Variants in SH3PXD2A observed in about 807,000 individuals in gnomAD.
The protein encoded by SH3PXD2A is SH3 and PX domains 2A, also known as SH3 and PX domain-containing protein 2A.
In SH3PXD2A, 32 loss-of-function variants were observed where a neutral mutation model predicts 115.2. The ratio of observed to expected loss-of-function variants is 0.28; its 90% CI spans 0.21 to 0.37. The LOEUF (loss-of-function observed/expected upper bound fraction) is 0.37. SH3PXD2A is among the 10% of genes least tolerant of loss of function. The probability of loss-of-function intolerance (pLI) is 1.00; values close to 1 mark genes in which losing one functional copy is unlikely to be tolerated. For missense variants in SH3PXD2A, 1,328 were observed against 1,498.7 expected (o/e 0.89, Z 1.88); for synonymous variants, 610 against 629.1 (o/e 0.97, Z 0.45).
chr10:103,827,369 C>T (rs774941666), intron 1 of SH3PXD2A, among the ~76,000 whole-genome samples: 19 of 152,234 alleles, frequency 1.2e-4, no homozygotes, highest in Non-Finnish European at 2.4e-4. Flanking sequence ...CCTTCACTCC[C>T]GGTAACACTA....
Position 103,724,374 on chromosome 10 carries a change from A to G in SH3PXD2A, c.307-13T>C. ...GCCGGACAAGTGCCTGTGGAGAGACAGGAAGAAAGGGCATTAGGTGTGATG... is the reference window on the plus strand; with the variant it reads ...GCCGGACAAGTGCCTGTGGAGAGACGGGAAGAAAGGGCATTAGGTGTGATG... On this transcript the variant is annotated splice_polypyrimidine_tract_variant and intron_variant, in intron 4 of 14. Coordinates refer to ENST00000369774, the MANE Select transcript of SH3PXD2A (RefSeq NM_001394015.1). 1 of 1,520,642 alleles carries G rather than the reference A, an allele frequency of 6.6e-7. No homozygotes were observed. The highest frequency in any genetic ancestry group is 9.0e-7 in the Non-Finnish European group (1 of 1,115,656). The allele number at this position is 1,520,642 out of a possible 1,614,324, so 94.2% of individuals were successfully genotyped here. A position where few individuals can be genotyped will look rare whatever the true frequency, so the allele number is the denominator to read the frequency against.
At chr10:103,663,937 A>G (rs2037349264) in intron 7 of SH3PXD2A, among the ~76,000 whole-genome samples, 1 of 152,184 alleles carries the variant, frequency 6.6e-6, no homozygotes, top group African/African-American at 2.4e-5. Context: ...TAAAGCCGGG[A>G]TTGTATTTCA....
intron 9 of SH3PXD2A, among the ~76,000 whole-genome samples, chr10:103,625,254 T>A (rs984783039): frequency 1.3e-4 from 20 of 152,338 alleles, no homozygotes; most frequent in African/African-American, 4.8e-4. Flanking sequence ...AGGTCCTCCA[T>A]AATCGACCCA....
At chr10:103,724,138 C>T in intron 5 of SH3PXD2A, 132 bp downstream of exon 5, 1 of 462,612 alleles carries the variant, frequency 2.2e-6, no homozygotes, top group Non-Finnish European at 3.8e-6. Context: ...CTTTGGACCA[C>T]TGTTCTTTAG....
chr10:103,817,390 G>A (rs867943714), intron 1 of SH3PXD2A, among the ~76,000 whole-genome samples: 32 of 152,148 alleles, frequency 2.1e-4, no homozygotes, highest in African/African-American at 7.2e-4. Flanking sequence ...ACCCAGGCTG[G>A]AGTGCAGTGG....
chr10:103,723,166 C>T (rs1371314473), intron 5 of SH3PXD2A, among the ~76,000 whole-genome samples: 3 of 152,308 alleles, frequency 2.0e-5, no homozygotes, highest in East Asian at 3.9e-4. Context: ...CTGCCTCTCC[C>T]CACCTGGCCC....
At position 103,777,568 on chromosome 10, in the gene SH3PXD2A, G is replaced by A. The variant is rs535785369; in HGVS notation, c.154-10399C>T. The stretch of plus-strand genomic sequence containing the variant: ...CGACACCTGCAGTGAGATATACACA[G>A]GGTGAATTAAGCAAAGATGTGCTGG... On this transcript the variant is annotated intron_variant, in intron 2 of 14. Coordinates refer to ENST00000369774, the MANE Select transcript of SH3PXD2A (RefSeq NM_001394015.1). Among the ~76,000 whole-genome samples the A allele has an allele frequency of 2.0e-5, 3 of 152,366 alleles. No homozygotes were observed. The East Asian group carries it at 5.8e-4, about 29-fold the overall frequency.
In SH3PXD2A at chr10:103,762,384, T is replaced by C. The variant is rs368284293; in HGVS notation, c.229+4710A>G. Reference sequence around the variant, plus strand: ...ATGATAGAAACATGACAGAGGCGGATAAGGGCCTTGTCTCAAAGGAAGGCT... The same window carrying C: ...ATGATAGAAACATGACAGAGGCGGACAAGGGCCTTGTCTCAAAGGAAGGCT... On this transcript the variant is annotated intron_variant, in intron 3 of 14. Coordinates refer to ENST00000369774, the MANE Select transcript of SH3PXD2A (RefSeq NM_001394015.1). Among the ~76,000 whole-genome samples, 4 of 152,088 alleles carry C rather than the reference T, an allele frequency of 2.6e-5. No homozygotes were observed. In the East Asian group the frequency reaches 7.7e-4, roughly 29 times the overall value.
intron 3 of SH3PXD2A, among the ~76,000 whole-genome samples, chr10:103,741,030 A>C (rs2038438666): frequency 6.6e-6 from 1 of 152,226 alleles, no homozygotes. Flanking sequence ...TTATACTTCC[A>C]GGTCTTCCCC....
At chr10:103,811,909 G>A (rs1430523950) in intron 1 of SH3PXD2A, among the ~76,000 whole-genome samples, 1 of 152,192 alleles carries the variant, frequency 6.6e-6, no homozygotes, top group Non-Finnish European at 1.5e-5. Context: ...TAATGAGAAC[G>A]CAAGAACAAC....
chr10:103,672,113 C>T (rs569782906), intron 6 of SH3PXD2A, among the ~76,000 whole-genome samples: 38 of 152,232 alleles, frequency 2.5e-4, no homozygotes, highest in Admixed American at 9.2e-4. Flanking sequence ...GGCGAAACTC[C>T]GTCTCTACTG....
At chr10:103,811,137 G>A (rs190964574) in intron 1 of SH3PXD2A, among the ~76,000 whole-genome samples, 149 of 152,294 alleles carry the variant, frequency 9.8e-4, no homozygotes, top group Middle Eastern at 3.4e-3. Flanking sequence ...TCTGGGGCTG[G>A]ACACTTTTTC....
chr10:103,841,039 C>T (rs1041878213), intron 1 of SH3PXD2A, among the ~76,000 whole-genome samples: 1 of 152,170 alleles, frequency 6.6e-6, no homozygotes, highest in African/African-American at 2.4e-5. Context: ...ACACCATTTA[C>T]GATACAATAC....
intron 10 of SH3PXD2A, among the ~76,000 whole-genome samples, chr10:103,618,959 TG>T (rs1212168926): frequency 6.6e-6 from 1 of 152,114 alleles, no homozygotes; most frequent in Admixed American, 6.5e-5. Flanking sequence ...CAGCTCCCTT[TG>T]GGGGTGGTTG....
intron 1 of SH3PXD2A, among the ~76,000 whole-genome samples, chr10:103,854,723 C>T (rs1465350246): frequency 2.0e-5 from 3 of 152,142 alleles, no homozygotes; most frequent in Non-Finnish European, 4.4e-5. Flanking sequence ...TGCCCCCAGC[C>T]CCAGGCCTAG....
intron 8 of SH3PXD2A, among the ~76,000 whole-genome samples, chr10:103,653,551 G>GAGGTCCACAGAGCCAGT (rs931780337): frequency 6.6e-6 from 1 of 152,182 alleles, no homozygotes; most frequent in Admixed American, 6.5e-5. Flanking sequence ...TGGGACATGA[G>GAGGTCCACAGAGCCAGT]AGGTCCACAG....
chr10:103,801,842 TA>T (rs1419986003), intron 1 of SH3PXD2A, among the ~76,000 whole-genome samples: 1 of 152,180 alleles, frequency 6.6e-6, no homozygotes, highest in Non-Finnish European at 1.5e-5. Flanking sequence ...TAGCTGGGAA[TA>T]CAGGTGCCTG....
At chr10:103,646,199 G>C (rs1178735320) in intron 8 of SH3PXD2A, among the ~76,000 whole-genome samples, 1 of 152,060 alleles carries the variant, frequency 6.6e-6, no homozygotes, top group Non-Finnish European at 1.5e-5. Flanking sequence ...ACCATCCTGG[G>C]GCCTCAGCTA....
At chr10:103,611,363 T>A (rs1160517153) in intron 13 of SH3PXD2A, among the ~76,000 whole-genome samples, 3 of 152,148 alleles carry the variant, frequency 2.0e-5, no homozygotes, top group African/African-American at 7.2e-5. Context: ...TGGAGTGCAG[T>A]GTGTTTCCGA....
Sources: gnomAD v4.1 joint callset for allele counts (sites outside exome capture counted in the v4.1 genomes callset) on GRCh38, gnomAD v4.1.1 for gene constraint, MANE v1.5 for transcripts, NCBI Gene and HGNC (gene_info 2026-07-23, HGNC 2026-07-21) for gene names.